Variants in KIF24 observed in about 807,000 individuals in gnomAD.
KIF24 encodes the protein kinesin family member 24.
In KIF24, 81 loss-of-function variants were observed where a neutral mutation model predicts 118.9. The ratio of observed to expected loss-of-function variants is 0.68; its 90% confidence interval spans 0.57 to 0.82. KIF24 has a LOEUF of 0.82. Among genes scored for constraint, KIF24 ranks in the 40% least tolerant of loss-of-function variants. The pLI is 0.00. For synonymous variants in KIF24, 599 were observed against 610.0 expected (o/e 0.98, Z 0.27); for missense variants, 1,560 against 1,661.6 (o/e 0.94, Z 1.06).
intron 6 of KIF24, among the ~76,000 whole-genome samples, chr9:34,281,810 G>C (rs1167253915): frequency 6.6e-6 from 1 of 152,132 alleles, no homozygotes; most frequent in Non-Finnish European, 1.5e-5. Context: ...GTCTTGTTAA[G>C]TGCCTGGCCT....
upstream of KIF24, among the ~76,000 whole-genome samples, chr9:34,332,265 C>T (rs1837962415): frequency 6.6e-6 from 1 of 152,188 alleles, no homozygotes; most frequent in East Asian, 1.9e-4. Context: ...GCTGGCAGTG[C>T]CTTGCATCCG....
intron 1 of KIF24, among the ~76,000 whole-genome samples, chr9:34,316,800 G>T (rs923632458): frequency 6.6e-5 from 10 of 152,144 alleles, no homozygotes; most frequent in African/African-American, 2.2e-4. Flanking sequence ...GGCTGGGCGC[G>T]GTGGCTCATG....
rs760702618 is a variant in KIF24 at position 34,257,952 on chromosome 9, C to T, written c.1655G>A (p.Cys552Tyr). ...RVKELKKGIK[C>Y]CTSVTSRNRT... ...ATTTCGACTGGTAACTGAAGTGCAA[C>T]ACTTAATGCCTTTCTTTAGTTCTTT... The change falls in exon 11 of 13, where the codon TGT becomes TAT. Residue 552 changes from cysteine (C) to tyrosine (Y), a missense_variant. Cys to Tyr is a radical substitution (Grantham distance 194, BLOSUM62 -2). Around this residue, in one of 3 missense-constraint regions of KIF24, gnomAD observed 964 missense variants for 988.0 expected, o/e 0.98. Transcript: ENST00000402558. The T allele has an allele frequency of 1.7e-5, 28 of 1,609,228 alleles. No homozygotes were observed. The South Asian group carries it at 2.7e-4, about 15-fold the overall frequency.
chr9:34,256,695 C>T lies in KIF24; in HGVS notation c.2912G>A (p.Gly971Glu). ...RKDASQSEVSGENEGNLPSPE... is the reference protein window; with the variant it reads ...RKDASQSEVSEENEGNLPSPE... ...GGATGGCAAGTTGCCCTCATTCTCC[C>T]CAGAAACCTCACTTTGGGAGGCATC... Residue 971 changes from glycine (G) to glutamate (E), a missense_variant, in exon 11 of 13, where the codon GGG (glycine) becomes GAG (glutamate). This residue lies in a region of KIF24 where 591 missense variants were observed against 655.6 expected (regional missense o/e 0.90). Transcript: ENST00000402558. The T allele has an allele frequency of 6.2e-7, 1 of 1,613,982 alleles. No individual in the cohort carries two copies. The highest frequency in any genetic ancestry group is 1.3e-5 in the African/African-American group (1 of 75,052).
rs1183341655 is a variant in KIF24, at chr9:34,263,170, C to T, written c.1446G>A (p.Leu482=). The part of the protein sequence containing the change: ...GAEINQSLLA[L]KECIRALDQE... ...GATCCAGTGCTCGGATACATTCCTT[C>T]AGCTGCAAAGTGGGAGAACAAGCAC... The change falls in exon 9 of 13, where the codon CTG becomes CTA. Residue 482 remains leucine, a splice_region_variant and synonymous_variant. Transcript: ENST00000402558. 6.2e-7 allele frequency: 1 copy of T among 1,612,526 alleles called. No homozygotes were observed. Among genetic ancestry groups the T allele is most frequent in the Non-Finnish European group, 8.5e-7 (1 of 1,179,092 alleles).
At chr9:34,330,716 C>G (rs1305029063), upstream of KIF24, among the ~76,000 whole-genome samples, 1 of 151,990 alleles carries the variant, frequency 6.6e-6, no homozygotes, top group East Asian at 1.9e-4. Flanking sequence ...AATCCTAGCC[C>G]TTTGGGAGGC....
chr9:34,318,805 G>A lies in KIF24; in HGVS notation c.-25-7434C>T, dbSNP rs1837417666. ...TGACCTGGAAGCTGTGCAGTCGCCT[G>A]TAGGGACCCAGCTCAGTGAGTTTCG... On this transcript the variant is annotated intron_variant, in intron 1 of 12. Coordinates refer to ENST00000402558, the MANE Select transcript of KIF24 (RefSeq NM_194313.4). This position sits in a 1 kb window ranked among gnomAD's most constrained non-coding sequence, Gnocchi z 4.9. The A allele has an allele frequency of 6.4e-7, 1 of 1,565,236 alleles. No homozygotes were observed. The highest frequency in any genetic ancestry group is 8.8e-7 in the Non-Finnish European group (1 of 1,138,030).
At chr9:34,305,368 CAATT>C (rs1033186691) in intron 3 of KIF24, among the ~76,000 whole-genome samples, 1 of 152,100 alleles carries the variant, frequency 6.6e-6, no homozygotes, top group African/African-American at 2.4e-5. Flanking sequence ...CAATTTTCGC[CAATT>C]AAGTATAAGC....
At chr9:34,309,018 C>A (rs568317780) in intron 2 of KIF24, among the ~76,000 whole-genome samples, 1 of 151,872 alleles carries the variant, frequency 6.6e-6, no homozygotes, top group Non-Finnish European at 1.5e-5. Context: ...GAGTTTGAGG[C>A]CCCAGTGGAC....
rs1031784765 is a variant in KIF24, at chr9:34,318,460, C to G, written c.-25-7089G>C. The G allele has an allele frequency of 2.7e-6, 2 of 748,656 alleles. No homozygotes were observed. The highest frequency in any genetic ancestry group is 3.4e-5 in the African/African-American group (2 of 58,574). 46.4% of individuals were successfully genotyped at this position (748,656 alleles called of 1,614,324 possible). ...GCCTCCTGGCGGTGGCCTTGGCGAC[C>G]GAGGTGAAGAAACCTGCAGCCACAG... On this transcript the variant is annotated intron_variant, in intron 1 of 12. Transcript: ENST00000402558. The surrounding 1 kb of genome is among the most constrained non-coding windows in gnomAD (Gnocchi z 4.9).
In KIF24 at chr9:34,285,930, TAA is replaced by T. The variant is rs11283995; in HGVS notation, c.1215+685_1215+686del. ...GGCAACAGAGCAAGACCCTGTTGCTTAAAAAAAAAAAAAAAAAAAAGTAAAAA... is the reference window on the plus strand; with the variant it reads ...GGCAACAGAGCAAGACCCTGTTGCTTAAAAAAAAAAAAAAAAAAGTAAAAA... On this transcript the variant is annotated intron_variant, in intron 6 of 12. Coordinates refer to ENST00000402558, the MANE Select transcript of KIF24 (RefSeq NM_194313.4). Among the ~76,000 whole-genome samples the T allele has an allele frequency of 7.5e-3, 906 of 120,862 alleles. 8 individuals carry two copies. The highest frequency in any genetic ancestry group is 0.023 in the African/African-American group (741 of 32,270). The allele number at this position is 120,862 out of a possible 152,430, so 79.3% of individuals were successfully genotyped here. A position where few individuals can be genotyped will look rare whatever the true frequency, so the allele number is the denominator to read the frequency against.
chr9:34,291,904 A>G (rs1175413042), intron 4 of KIF24, among the ~76,000 whole-genome samples: 2 of 152,158 alleles, frequency 1.3e-5, no homozygotes, highest in African/African-American at 2.4e-5. Context: ...CCTGCCTCCC[A>G]TTTGGTTCCT....
rs1435488813 is a variant in KIF24 at position 34,318,841 on chromosome 9, C to T, written c.-25-7470G>A. 4.4e-6 allele frequency: 7 copies of T among 1,601,404 alleles called. No individual in the cohort carries two copies. Among genetic ancestry groups the T allele is most frequent in the East Asian group, 2.2e-5 (1 of 44,836 alleles). On this transcript the variant is annotated intron_variant, in intron 1 of 12. Transcript: ENST00000402558. The surrounding 1 kb of genome is among the most constrained non-coding windows in gnomAD (Gnocchi z 4.9). ...GCTCAGTGAGTTTCGCTGATGACTT[C>T]GTGCGCAGCAGCAAGCAGCACTACA...
chr9:34,288,256 G>A (rs1035068464), intron 5 of KIF24, among the ~76,000 whole-genome samples: 2 of 151,870 alleles, frequency 1.3e-5, no homozygotes, highest in African/African-American at 4.8e-5. Flanking sequence ...GAGGCCTAGA[G>A]AGGAGGATTG....
intron 8 of KIF24, among the ~76,000 whole-genome samples, chr9:34,267,698 G>A (rs930237801): frequency 5.3e-5 from 8 of 152,038 alleles, no homozygotes; most frequent in Admixed American, 4.6e-4. Flanking sequence ...TATTCTACAA[G>A]CTTTTTTGGT....
In KIF24 at chr9:34,290,185, A is replaced by T; in HGVS notation, c.1116T>A (p.Asn372Lys). 6.2e-7 allele frequency: 1 copy of T among 1,611,856 alleles called. No individual in the cohort carries two copies. The change falls in exon 5 of 13, where the codon AAT (asparagine) becomes AAA (lysine). Residue 372 changes from asparagine to lysine, a missense_variant. Asn to Lys is a moderately conservative substitution (Grantham distance 94). Coordinates refer to ENST00000402558, the MANE Select transcript of KIF24 (RefSeq NM_194313.4). ...IYCGQLYDLL[N>K]RRKRLFARED... The stretch of plus-strand genomic sequence containing the variant: ...CTCATATTCAGTACCTTTTTCTTCT[A>T]TTTAGGAGGTCATAAAGCTGTCCAC...
intron 2 of KIF24, among the ~76,000 whole-genome samples, chr9:34,310,360 G>C (rs1277387838): frequency 6.6e-6 from 1 of 150,536 alleles, no homozygotes; most frequent in Non-Finnish European, 1.5e-5. Flanking sequence ...AAGTCCTGTG[G>C]ATTGTGTAAT....
At chr9:34,275,837 T>TA (rs201601793) in intron 6 of KIF24, among the ~76,000 whole-genome samples, 21 of 148,312 alleles carry the variant, frequency 1.4e-4, no homozygotes, top group East Asian at 7.9e-4. Context: ...AGTGTCTGTC[T>TA]AAAAAAAAAA....
rs1351550470 is a variant in KIF24 at position 34,266,168 on chromosome 9, TA to T, written c.1444-2997del. Among the ~76,000 whole-genome samples the T allele has an allele frequency of 2.0e-5, 3 of 152,280 alleles. No individual in the cohort carries two copies. In the East Asian group the frequency reaches 5.8e-4, roughly 29 times the overall value. On this transcript the variant is annotated intron_variant, in intron 8 of 12. Transcript: ENST00000402558. ...TTAACCTCCCAAAGTGCTGGGATTATATGTGTGAGCCACTGGGCCTGGCCTG... is the reference window on the plus strand; with the variant it reads ...TTAACCTCCCAAAGTGCTGGGATTATTGTGTGAGCCACTGGGCCTGGCCTG...
Sources: gnomAD v4.1 joint callset for allele counts (sites outside exome capture counted in the v4.1 genomes callset) on GRCh38, gnomAD v4.1.1 for gene constraint, gnomAD v4.1.1 regional missense constraint, Gnocchi (gnomAD v3.1) non-coding constraint, MANE v1.5 for transcripts, NCBI Gene and HGNC (gene_info 2026-07-23, HGNC 2026-07-21) for gene names.